HK2: variants seen among roughly 807,000 people sequenced by gnomAD.
The protein encoded by HK2 is hexokinase-2.
HK2 carries 42 observed loss-of-function variants against 92.9 expected under a neutral mutation model. The observed-to-expected ratio is 0.45, with a 90% confidence interval of 0.35 to 0.58. The LOEUF is 0.58. Among genes scored for constraint, HK2 ranks in the 20% least tolerant of loss-of-function variants. HK2 has a pLI of 0.00. For synonymous variants in HK2, 422 were observed against 468.0 expected (o/e 0.90, Z 1.27); for missense variants, 978 against 1,245.1 (o/e 0.79, Z 3.23).
At chr2:74,859,001 G>C (rs73951445) in intron 2 of HK2, among the ~76,000 whole-genome samples, 27 of 152,326 alleles carry the variant, frequency 1.8e-4, no homozygotes, top group African/African-American at 6.3e-4. Flanking sequence ...AGACATAAAC[G>C]GTCCAGGAAT....
chr2:74,876,183 T>A (rs1689228469), intron 7 of HK2, among the ~76,000 whole-genome samples: 1 of 152,202 alleles, frequency 6.6e-6, no homozygotes, highest in African/African-American at 2.4e-5. Context: ...TTAGCCCTGA[T>A]GCTGCTGTAC....
chr2:74,845,581 A>T (rs1466733402), intron 1 of HK2, among the ~76,000 whole-genome samples: 2 of 152,254 alleles, frequency 1.3e-5, no homozygotes, highest in East Asian at 1.9e-4. Context: ...CTGCAACAGG[A>T]TCCTGGAGGA....
At chr2:74,835,006 G>A (rs1265735753) in intron 1 of HK2, among the ~76,000 whole-genome samples, 2 of 152,318 alleles carry the variant, frequency 1.3e-5, no homozygotes, top group South Asian at 2.1e-4. Context: ...TCTGCAGCGC[G>A]AGTTCCGGCG....
Position 74,880,254 on chromosome 2 carries a change from G to A in HK2, c.1266-11G>A, listed in dbSNP as rs1160657405. On this transcript the variant is annotated splice_polypyrimidine_tract_variant and intron_variant, in intron 9 of 17. Transcript: ENST00000290573. The stretch of plus-strand genomic sequence containing the variant: ...GGACACCTGTCTCTTACCCGCCCTG[G>A]GGAACTGCAGTTTTGCCAAGCGTCT... The A allele has an allele frequency of 6.2e-7, 1 of 1,613,996 alleles. No individual in the cohort carries two copies. Among genetic ancestry groups the A allele is most frequent in the Non-Finnish European group, 8.5e-7 (1 of 1,180,018 alleles).
At chr2:74,869,509 A>G (rs1689042916) in intron 3 of HK2, among the ~76,000 whole-genome samples, 1 of 152,230 alleles carries the variant, frequency 6.6e-6, no homozygotes, top group Non-Finnish European at 1.5e-5. Flanking sequence ...AGAATTGTGA[A>G]CCTGGGCAAT....
intron 1 of HK2, among the ~76,000 whole-genome samples, chr2:74,839,874 G>A (rs1262109990): frequency 2.0e-5 from 3 of 149,934 alleles, no homozygotes; most frequent in Admixed American, 6.6e-5. Flanking sequence ...GGATGGTCTC[G>A]ATCTCTTGAC....
intron 1 of HK2, among the ~76,000 whole-genome samples, chr2:74,838,599 C>T (rs952841541): frequency 2.1e-5 from 3 of 146,120 alleles, no homozygotes; most frequent in African/African-American, 7.7e-5. Context: ...AGTGCAGTGG[C>T]GCAATCTCAG....
In HK2 at chr2:74,893,258, C is replaced by T. The variant is rs1689726853; in HGVS notation, c.*2317C>T. On this transcript the variant is annotated 3_prime_UTR_variant, in exon 18 of 18. Coordinates refer to ENST00000290573, the MANE Select transcript of HK2 (RefSeq NM_000189.5). ...CATCTCAAATCCTTGAGCACTCAGT[C>T]TAGTGAAGATGTTGTCATTATGTAC... The T allele has an allele frequency of 6.6e-6, 1 of 152,114 alleles. No homozygotes were observed. Among genetic ancestry groups the T allele is most frequent in the South Asian group, 2.1e-4 (1 of 4,826 alleles). The allele number at this position is 152,114 out of a possible 1,614,324, so 9.4% of individuals were successfully genotyped here.
At chr2:74,890,068 T>G (rs1335203385) in intron 17 of HK2, among the ~76,000 whole-genome samples, 4 of 152,260 alleles carry the variant, frequency 2.6e-5, no homozygotes, top group Non-Finnish European at 4.4e-5. Flanking sequence ...GAGCAAGATT[T>G]TTTTTCAACA....
At chr2:74,886,447 G>T in intron 14 of HK2, 43 bp from the exon 15 acceptor site, 4 of 1,613,992 alleles carry the variant, frequency 2.5e-6, no homozygotes, top group Non-Finnish European at 3.4e-6. Context: ...TGGGTGTGGA[G>T]GGGTTGGTGC....
rs1433531832 is a variant in HK2, at chr2:74,880,559, G to A, written c.1560G>A (p.Pro520=). The A allele has an allele frequency of 6.2e-6, 10 of 1,613,560 alleles. No individual in the cohort carries two copies. Among genetic ancestry groups the A allele is most frequent in the Non-Finnish European group, 8.5e-6 (10 of 1,179,756 alleles). The change falls in exon 10 of 18, where the codon CCG becomes CCA. Residue 520 remains proline (P), a synonymous_variant. Coordinates refer to ENST00000290573, the MANE Select transcript of HK2 (RefSeq NM_000189.5). ...TGCCCACCTACGTGTGTGCTACCCCGGACGGCACAGGTACACGGCAGGGTT... is the reference window on the plus strand; with the variant it reads ...TGCCCACCTACGTGTGTGCTACCCCAGACGGCACAGGTACACGGCAGGGTT... ...KMLPTYVCAT[P]DGTEKGDFLA...
rs747281632 is a variant in HK2 at position 74,885,615 on chromosome 2, G to GCC, written c.1935+26_1935+27insCC. The GCC allele has an allele frequency of 1.1e-5, 15 of 1,427,716 alleles. No individual in the cohort carries two copies. The African/African-American group carries it at 2.1e-4, about 20-fold the overall frequency. 88.4% of individuals were successfully genotyped at this position (1,427,716 alleles called of 1,614,324 possible). On this transcript the variant is annotated intron_variant, in intron 13 of 17. Transcript: ENST00000290573. ...GTAGGAGACACATGGCACGAGGTCT[G>GCC]ATGTGTCAGCTCCTCAATGATTGGC...
intron 1 of HK2, among the ~76,000 whole-genome samples, chr2:74,853,015 G>C (rs2103879336): frequency 6.6e-6 from 1 of 152,294 alleles, no homozygotes; most frequent in African/African-American, 2.4e-5. Flanking sequence ...CAAGTTCTTA[G>C]AATAACAGGG....
At chr2:74,869,244 A>G (rs555027514) in intron 3 of HK2, among the ~76,000 whole-genome samples, 54 of 152,324 alleles carry the variant, frequency 3.5e-4, no homozygotes, top group Admixed American at 2.6e-3. Flanking sequence ...AGAAGAAAAT[A>G]TAGGTATCTT....
intron 2 of HK2, among the ~76,000 whole-genome samples, chr2:74,860,115 G>A (rs1558794223): frequency 6.7e-6 from 1 of 150,188 alleles, no homozygotes; most frequent in East Asian, 2.0e-4. Context: ...GCTAAACAGT[G>A]TGTCCACATG....
intron 7 of HK2, among the ~76,000 whole-genome samples, chr2:74,875,296 T>C (rs1282398729): frequency 6.7e-6 from 1 of 149,508 alleles, no homozygotes; most frequent in East Asian, 2.0e-4. Flanking sequence ...ATCAAGTCAG[T>C]GGTGGGTAAC....
rs369199775 is a variant in HK2 at position 74,880,519 on chromosome 2, C to T, written c.1520C>T (p.Ala507Val). The T allele has an allele frequency of 4.3e-6, 7 of 1,614,054 alleles. No individual in the cohort carries two copies. The highest frequency in any genetic ancestry group is 3.3e-5 in the Admixed American group (2 of 59,990). The change falls in exon 10 of 18, where the codon GCC becomes GTC. Residue 507 changes from alanine (A) to valine (V), a missense_variant. By Grantham distance (64) the Ala-to-Val change is moderately conservative. Transcript: ENST00000290573. ...CTGAGCAAGGAGACTCATGCCAGTG[C>T]CCCCGTCAAGATGCTGCCCACCTAC... ...RGLSKETHAS[A>V]PVKMLPTYVC...
intron 2 of HK2, 75 bp from the exon 3 acceptor site, chr2:74,867,561 T>C (rs1688983673): frequency 1.3e-6 from 2 of 1,553,886 alleles, no homozygotes; most frequent in Non-Finnish European, 1.8e-6. Flanking sequence ...CTGGAGGGAC[T>C]TGGAGTTTTA....
intron 2 of HK2, among the ~76,000 whole-genome samples, chr2:74,856,683 A>G (rs979910106): frequency 5.3e-5 from 8 of 152,204 alleles, no homozygotes; most frequent in Admixed American, 5.2e-4. Flanking sequence ...GGTAAGTACA[A>G]ATTTTATCCA....
Sources: gnomAD v4.1 joint callset for allele counts (sites outside exome capture counted in the v4.1 genomes callset) on GRCh38, gnomAD v4.1.1 for gene constraint, MANE v1.5 for transcripts, NCBI Gene and HGNC (gene_info 2026-07-23, HGNC 2026-07-21) for gene names.